Variants in ABCD3 observed in about 807,000 individuals in gnomAD.
ABCD3 encodes the protein ATP-binding cassette sub-family D member 3.
ABCD3 carries 41 observed loss-of-function variants against 105.5 expected under a neutral mutation model. The ratio of observed to expected loss-of-function variants is 0.39; its 90% CI spans 0.30 to 0.50. The LOEUF is 0.50. ABCD3 is among the 20% of genes least tolerant of loss of function. The probability of loss-of-function intolerance (pLI) is 0.84; values close to 1 mark genes in which losing one functional copy is unlikely to be tolerated. For missense variants in ABCD3, 622 were observed against 806.3 expected, an observed-to-expected ratio of 0.77 and a Z score of 2.77; for synonymous variants, 258 against 269.0, an observed-to-expected ratio of 0.96 and a Z score of 0.40.
chr1:94,485,058 G>A (rs567417705), intron 10 of ABCD3, among the ~76,000 whole-genome samples: 45 of 152,260 alleles, frequency 3.0e-4, no homozygotes, highest in African/African-American at 1.1e-3. Flanking sequence ...GTGTGGCTAT[G>A]TTCTAATAAA....
chr1:94,455,325 A>AT lies in ABCD3; in HGVS notation c.111-3265dup, dbSNP rs142959399. On this transcript the variant is annotated intron_variant, in intron 1 of 22. Transcript: ENST00000370214. ...AAGTTTTTAAGAAACTTATAAATGA[A>AT]TTTTTTTTTTTTTTTTTGAGACCGA... is the stretch of plus-strand genomic sequence containing the variant. Among the ~76,000 whole-genome samples the AT allele has an allele frequency of 9.4e-3, 1,351 of 143,876 alleles. 6 individuals are homozygous for AT. Among genetic ancestry groups the AT allele is most frequent in the African/African-American group, 0.019 (727 of 39,244 alleles). 94.4% of individuals were successfully genotyped at this position (143,876 alleles called of 152,430 possible).
At chr1:94,426,096 C>T (rs1437487228) in intron 1 of ABCD3, among the ~76,000 whole-genome samples, 3 of 152,198 alleles carry the variant, frequency 2.0e-5, no homozygotes, top group Non-Finnish European at 4.4e-5. Context: ...GACAACAAAA[C>T]ATACCTTTGT....
intron 16 of ABCD3, among the ~76,000 whole-genome samples, chr1:94,496,420 TCA>T (rs1209312113): frequency 2.0e-5 from 3 of 151,938 alleles, no homozygotes; most frequent in Non-Finnish European, 2.9e-5. Flanking sequence ...TGTCAGAGTT[TCA>T]TTCATTTTAA....
chr1:94,517,278 C>G lies in ABCD3; in HGVS notation c.*149C>G, dbSNP rs566558969. On this transcript the variant is annotated 3_prime_UTR_variant, in exon 23 of 23. Coordinates refer to ENST00000370214, the MANE Select transcript of ABCD3 (RefSeq NM_002858.4). Reference sequence around the variant, plus strand: ...TAACTAGATACAGAATAATGGAGAACAAGTTGTTAAAACATTTAATATTAT... The same window carrying G: ...TAACTAGATACAGAATAATGGAGAAGAAGTTGTTAAAACATTTAATATTAT... The G allele has an allele frequency of 4.7e-6, 3 of 632,390 alleles. No individual in the cohort carries two copies. The Admixed American group carries it at 8.1e-5, about 17-fold the overall frequency. 39.2% of individuals were successfully genotyped at this position (632,390 alleles called of 1,614,324 possible).
At chr1:94,514,882 A>G (rs1650851816) in intron 21 of ABCD3, 1 of 417,954 alleles carries the variant, frequency 2.4e-6, no homozygotes, top group Non-Finnish European at 4.3e-6. Flanking sequence ...ACAATAAAAT[A>G]GGAGACATGA....
the ABCD3 span, among the ~76,000 whole-genome samples, chr1:94,408,223 C>G: frequency 2.6e-5 from 4 of 152,134 alleles, no homozygotes; most frequent in Non-Finnish European, 5.9e-5. Flanking sequence ...TAACAGAAAG[C>G]GTTGACTGAG....
upstream of ABCD3, among the ~76,000 whole-genome samples, chr1:94,416,910 G>C (rs1256652178): frequency 2.6e-5 from 4 of 152,210 alleles, no homozygotes; most frequent in Admixed American, 2.6e-4. Context: ...CACTCAGTCT[G>C]TTAGCATTAG....
chr1:94,408,615 A>G, the ABCD3 span, among the ~76,000 whole-genome samples: 1 of 152,062 alleles, frequency 6.6e-6, no homozygotes, highest in African/African-American at 2.4e-5. Flanking sequence ...AAACAAAAAA[A>G]TCAGAATGCA....
chr1:94,440,855 A>G (rs1660105393), intron 1 of ABCD3, among the ~76,000 whole-genome samples: 1 of 152,182 alleles, frequency 6.6e-6, no homozygotes, highest in Admixed American at 6.5e-5. Context: ...GATGGGTTCA[A>G]GGAGCTTCAA....
chr1:94,489,846 C>T, intron 14 of ABCD3, 30 bp downstream of exon 14: 1 of 1,611,232 alleles, frequency 6.2e-7, no homozygotes, highest in Non-Finnish European at 8.5e-7. Context: ...TTTAAGGTCA[C>T]AATTTTAAGT....
chr1:94,473,773 A>G lies in ABCD3; in HGVS notation c.343A>G (p.Ile115Val). The G allele has an allele frequency of 6.2e-7, 1 of 1,612,744 alleles. No individual in the cohort carries two copies. Among genetic ancestry groups the G allele is most frequent in the East Asian group, 2.2e-5 (1 of 44,778 alleles). The change falls in exon 5 of 23, where the codon ATT becomes GTT. Residue 115 changes from isoleucine (I) to valine (V), a missense_variant. Transcript: ENST00000370214. ...QNGTLIESGI[I>V]GRSRKDFKRY... ...GCATGTGGTGGTTTGCAGTGGTATC[A>G]TTGGTCGTAGCAGGAAAGATTTCAA...
At chr1:94,416,813 TC>T (rs1362019075), upstream of ABCD3, among the ~76,000 whole-genome samples, 4 of 152,178 alleles carry the variant, frequency 2.6e-5, no homozygotes, top group Non-Finnish European at 5.9e-5. Context: ...TGTTAAGAGC[TC>T]CATTCCATTC....
At chr1:94,495,112 T>A (rs1649735385) in intron 16 of ABCD3, among the ~76,000 whole-genome samples, 1 of 152,162 alleles carries the variant, frequency 6.6e-6, no homozygotes, top group African/African-American at 2.4e-5. Flanking sequence ...TTACTAAGAT[T>A]TTTACCTTTT....
intron 1 of ABCD3, among the ~76,000 whole-genome samples, chr1:94,424,622 G>T (rs767177607): frequency 2.0e-5 from 3 of 151,982 alleles, no homozygotes; most frequent in African/African-American, 2.4e-5. Flanking sequence ...ACGTTATGTT[G>T]CCCAGGCTGG....
intron 2 of ABCD3, among the ~76,000 whole-genome samples, chr1:94,460,619 T>G (rs997572818): frequency 6.6e-6 from 1 of 152,066 alleles, no homozygotes; most frequent in Non-Finnish European, 1.5e-5. Flanking sequence ...AATAAGAAAA[T>G]TAGAACAATT....
chr1:94,397,595 T>C, the ABCD3 span, among the ~76,000 whole-genome samples: 7 of 152,362 alleles, frequency 4.6e-5, no homozygotes, highest in South Asian at 6.2e-4. Context: ...ACACATGATA[T>C]CAACATGTGC....
chr1:94,418,704 G>T (rs1659125375), intron 1 of ABCD3, 116 bp downstream of exon 1: 2 of 1,071,854 alleles, frequency 1.9e-6, no homozygotes, highest in Admixed American at 2.1e-5. Context: ...GCGGAGAGAG[G>T]GCCGACCGCG....
chr1:94,401,700 G>C, the ABCD3 span, among the ~76,000 whole-genome samples: 1 of 152,016 alleles, frequency 6.6e-6, no homozygotes, highest in East Asian at 1.9e-4. Context: ...CAAATTCCAG[G>C]GATGTTTAAG....
intron 3 of ABCD3, among the ~76,000 whole-genome samples, chr1:94,466,056 ATTC>A (rs1358252312): frequency 6.6e-6 from 1 of 152,078 alleles, no homozygotes; most frequent in African/African-American, 2.4e-5. Context: ...CCCTTGAGAA[ATTC>A]TTTTTTTAAA....
Sources: allele counts gnomAD v4.1 joint callset (sites outside exome capture counted in the v4.1 genomes callset), GRCh38; gene constraint gnomAD v4.1.1; transcripts MANE v1.5; gene names NCBI Gene and HGNC (gene_info 2026-07-23, HGNC 2026-07-21).